Variants in DRC1 observed in about 807,000 individuals in gnomAD.
DRC1 encodes the protein dynein regulatory complex subunit 1.
In DRC1, 74 loss-of-function variants were observed where a neutral mutation model predicts 98.7. The ratio of observed to expected loss-of-function variants is 0.75; its 90% CI spans 0.62 to 0.91. DRC1 has a LOEUF of 0.91. Among genes scored for constraint, DRC1 ranks in the 40% least tolerant of loss-of-function variants. DRC1 has a pLI of 0.00. For synonymous variants in DRC1, 336 were observed against 334.1 expected, an observed-to-expected ratio of 1.01 and a Z score of -0.06; for missense variants, 875 against 886.0, an observed-to-expected ratio of 0.99 and a Z score of 0.16.
chr2:26,456,546 G>A lies in DRC1; in HGVS notation c.*29G>A. The A allele has an allele frequency of 6.2e-7, 1 of 1,613,628 alleles. No homozygotes were observed. Among genetic ancestry groups the A allele is most frequent in the African/African-American group, 1.3e-5 (1 of 75,060 alleles). On this transcript the variant is annotated 3_prime_UTR_variant, in exon 17 of 17. Transcript: ENST00000288710. ...GGACCGCCAAAGGCTGATGTGTTAG[G>A]GCTGGCCTGATGCTGGTGTCTGTGC...
At chr2:26,405,627 T>A (rs1210941225) in intron 1 of DRC1, among the ~76,000 whole-genome samples, 2 of 150,540 alleles carry the variant, frequency 1.3e-5, no homozygotes, top group Non-Finnish European at 3.0e-5. Flanking sequence ...TATGGTGGTC[T>A]TGTTTTTTTT....
chr2:26,402,749 G>C (rs1317090131), intron 1 of DRC1, among the ~76,000 whole-genome samples: 1 of 152,196 alleles, frequency 6.6e-6, no homozygotes, highest in East Asian at 1.9e-4. Flanking sequence ...AAACTTGAAT[G>C]ACATGGCAGT....
At chr2:26,427,822 G>A (rs925608828) in intron 4 of DRC1, among the ~76,000 whole-genome samples, 5 of 152,176 alleles carry the variant, frequency 3.3e-5, no homozygotes, top group African/African-American at 1.2e-4. Context: ...GTGAGAACAT[G>A]CAAAGTTTGA....
At chr2:26,413,456 T>G (rs1377320725) in intron 1 of DRC1, among the ~76,000 whole-genome samples, 1 of 152,218 alleles carries the variant, frequency 6.6e-6, no homozygotes, top group African/African-American at 2.4e-5. Context: ...ATACTTTACA[T>G]TCCCACCCAT....
At chr2:26,430,744 A>C (rs369300729) in intron 5 of DRC1, 42 bp from the exon 6 acceptor site, 15 of 1,604,938 alleles carry the variant, frequency 9.3e-6, no homozygotes, top group African/African-American at 4.0e-5. Context: ...GGACCTGCCC[A>C]ATCAAAACAG....
At chr2:26,412,240 A>G (rs757310253) in intron 1 of DRC1, among the ~76,000 whole-genome samples, 18 of 152,046 alleles carry the variant, frequency 1.2e-4, no homozygotes, top group Non-Finnish European at 2.6e-4. Context: ...AAAGTCAAGA[A>G]AGAATGAGAT....
chr2:26,425,776 G>T (rs1174844696), intron 4 of DRC1, among the ~76,000 whole-genome samples: 2 of 152,030 alleles, frequency 1.3e-5, no homozygotes, highest in Admixed American at 1.3e-4. Flanking sequence ...TTGTTTTTGA[G>T]TTATAGAAGT....
At chr2:26,456,382 G>T in intron 16 of DRC1, 79 bp from the exon 17 acceptor site, 1 of 1,577,388 alleles carries the variant, frequency 6.3e-7, no homozygotes, top group Non-Finnish European at 8.7e-7. Context: ...GCCCATGGGA[G>T]AGCCAGCGTG....
rs139831048 is a variant in DRC1, at chr2:26,431,176, G to C, written c.765+304G>C. ...TCACCATGTTGACCAGGATGGTCTC[G>C]ATCTCCTGACCTCATGATCCTCTCG... On this transcript the variant is annotated intron_variant, in intron 6 of 16. Transcript: ENST00000288710. 8.2e-3 allele frequency among the ~76,000 whole-genome samples: 1,241 copies of C among 152,178 alleles called. 20 individuals are homozygous for C. Among genetic ancestry groups the C allele is most frequent in the African/African-American group, 0.028 (1,181 of 41,518 alleles).
intron 2 of DRC1, among the ~76,000 whole-genome samples, chr2:26,414,771 C>A (rs1313990940): frequency 1.3e-5 from 2 of 152,182 alleles, no homozygotes; most frequent in African/African-American, 2.4e-5. Flanking sequence ...TTTGGGCCTT[C>A]CACTTTGGTG....
At chr2:26,417,892 T>A (rs1384026020) in intron 2 of DRC1, among the ~76,000 whole-genome samples, 1 of 152,230 alleles carries the variant, frequency 6.6e-6, no homozygotes, top group African/African-American at 2.4e-5. Context: ...TACCTGTGGC[T>A]TCTTTTGAAT....
chr2:26,447,376 G>T (rs1455377282), intron 10 of DRC1, among the ~76,000 whole-genome samples: 2 of 152,108 alleles, frequency 1.3e-5, no homozygotes, highest in African/African-American at 4.8e-5. Context: ...TTATGCCACT[G>T]CACTGCAGCC....
Position 26,454,535 on chromosome 2 carries a change from C to G in DRC1, c.1920-112C>G. The G allele has an allele frequency of 6.8e-7, 1 of 1,470,758 alleles. No homozygotes were observed. The highest frequency in any genetic ancestry group is 9.2e-7 in the Non-Finnish European group (1 of 1,084,026). 91.1% of individuals were successfully genotyped at this position (1,470,758 alleles called of 1,614,324 possible). A position where few individuals can be genotyped will look rare whatever the true frequency, so the allele number is the denominator to read the frequency against. On this transcript the variant is annotated intron_variant, in intron 14 of 16. Coordinates refer to ENST00000288710, the MANE Select transcript of DRC1 (RefSeq NM_145038.5). This position sits in a 1 kb window ranked among gnomAD's most constrained non-coding sequence, Gnocchi z 5.2. The stretch of plus-strand genomic sequence containing the variant: ...CCTGCCACCGTCTAATAAACTTGGA[C>G]TGCTGAGTGGGAAGGTGACAGGTGG...
chr2:26,430,958 C>CTTTTTTT (rs5830013), intron 6 of DRC1, 86 bp downstream of exon 6: 6 of 344,844 alleles, frequency 1.7e-5, no homozygotes, highest in Non-Finnish European at 2.3e-5. Context: ...CTTTTTCTAT[C>CTTTTTTT]TTTTTTTTTT....
rs201942850 is a variant in DRC1, at chr2:26,402,169, G to C, written c.155+25G>C. 1,734 of 1,556,474 alleles carry C rather than the reference G, an allele frequency of 1.1e-3. 21 individuals carry two copies. The African/African-American group carries it at 0.021, about 19-fold the overall frequency. Reference sequence around the variant, plus strand: ...GGTGAGCGCGGGGGCGGGCGGGGCGGGATCCGCGCCGCAGGAGCCGGAGAA... The same window carrying C: ...GGTGAGCGCGGGGGCGGGCGGGGCGCGATCCGCGCCGCAGGAGCCGGAGAA... On this transcript the variant is annotated intron_variant, in intron 1 of 16. Transcript: ENST00000288710.
At chr2:26,402,979 A>G (rs2147973003) in intron 1 of DRC1, among the ~76,000 whole-genome samples, 1 of 152,348 alleles carries the variant, frequency 6.6e-6, no homozygotes, top group South Asian at 2.1e-4. Context: ...TTGCCATTGT[A>G]TTGCAAAAGC....
chr2:26,402,886 G>C (rs1376439803), intron 1 of DRC1, among the ~76,000 whole-genome samples: 2 of 152,198 alleles, frequency 1.3e-5, no homozygotes, highest in African/African-American at 4.8e-5. Flanking sequence ...GAATGCAGGG[G>C]CCGGCAAACC....
intron 10 of DRC1, among the ~76,000 whole-genome samples, chr2:26,447,993 G>A (rs558901779): frequency 2.6e-5 from 4 of 151,768 alleles, no homozygotes; most frequent in Non-Finnish European, 4.4e-5. Context: ...GGGAGGCCGA[G>A]GCAGGCAGAT....
chr2:26,414,167 G>A (rs1057101612), intron 1 of DRC1, among the ~76,000 whole-genome samples, 177 bp from the exon 2 acceptor site: 4 of 145,620 alleles, frequency 2.7e-5, no homozygotes, highest in African/African-American at 5.1e-5. Context: ...ATAGAGATGG[G>A]GGTCTTGCTA....
Sources: gnomAD v4.1 joint callset for allele counts (sites outside exome capture counted in the v4.1 genomes callset) on GRCh38, gnomAD v4.1.1 for gene constraint, Gnocchi (gnomAD v3.1) non-coding constraint, MANE v1.5 for transcripts, NCBI Gene and HGNC (gene_info 2026-07-23, HGNC 2026-07-21) for gene names.